SFI1: variants seen among roughly 807,000 people sequenced by gnomAD.
The protein encoded by SFI1 is SFI1 centrin binding protein, also known as protein SFI1 homolog.
Under a neutral mutation model 207.5 loss-of-function variants are expected in SFI1, and 195 were observed. That is an observed-to-expected ratio of 0.94 (90% CI 0.84 to 1.06). SFI1 has a LOEUF of 1.06. Ranked by LOEUF, SFI1 falls within the 50% of genes least tolerant of loss-of-function variation. The pLI, the probability that SFI1 is intolerant of heterozygous loss-of-function variation, is 0.00. For missense variants in SFI1, 1,634 were observed against 1,588.0 expected (o/e 1.03, Z -0.49); for synonymous variants, 630 against 598.9 (o/e 1.05, Z -0.76).
At chr22:31,601,100 G>A (rs975317023) in intron 15 of SFI1, among the ~76,000 whole-genome samples, 5 of 150,382 alleles carry the variant, frequency 3.3e-5, no homozygotes, top group Non-Finnish European at 7.4e-5. Context: ...ACAAAACAGT[G>A]GTTCCCAAAC....
In SFI1 at chr22:31,611,723, G is replaced by C. The variant is rs775919077; in HGVS notation, c.2416-43G>C. 28 of 1,591,608 alleles carry C rather than the reference G, an allele frequency of 1.8e-5. No homozygotes were observed. In the African/African-American group the frequency reaches 2.8e-4, roughly 16 times the overall value. On this transcript the variant is annotated intron_variant, in intron 23 of 32. Transcript: ENST00000400288. ...TCAGGACCCACCCCAGGCTGTCTAG[G>C]CTGGGTCAGGACGCCACTCTCTGTG... is the stretch of plus-strand genomic sequence containing the variant.
intron 10 of SFI1, among the ~76,000 whole-genome samples, chr22:31,575,802 T>C (rs1303460905): frequency 1.3e-5 from 2 of 152,204 alleles, no homozygotes; most frequent in African/African-American, 2.4e-5. Context: ...TTCTTGGTGA[T>C]ACCATCACCG....
At chr22:31,533,066 CA>C (rs2058672240) in intron 4 of SFI1, among the ~76,000 whole-genome samples, 1 of 152,168 alleles carries the variant, frequency 6.6e-6, no homozygotes, top group Non-Finnish European at 1.5e-5. Flanking sequence ...GGCCCTCAGG[CA>C]TCAAAAGTCC....
intron 27 of SFI1, 77 bp from the exon 28 acceptor site, chr22:31,614,712 G>A: frequency 6.7e-7 from 1 of 1,494,404 alleles, no homozygotes; most frequent in Non-Finnish European, 9.3e-7. Flanking sequence ...CTATAAAATT[G>A]GAGATCCCAC....
chr22:31,569,919 G>T (rs1399456392), intron 8 of SFI1, among the ~76,000 whole-genome samples: 2 of 147,884 alleles, frequency 1.4e-5, no homozygotes, highest in African/African-American at 5.0e-5. Context: ...CTGCCCTCTA[G>T]CCTGGGCAAT....
At chr22:31,567,569 G>T in intron 8 of SFI1, among the ~76,000 whole-genome samples, 1 of 128,126 alleles carries the variant, frequency 7.8e-6, no homozygotes, top group Admixed American at 7.4e-5. Flanking sequence ...TGTTTGTGGA[G>T]GGGGGGGGTG....
chr22:31,541,887 G>T (rs1040762771), intron 4 of SFI1, among the ~76,000 whole-genome samples: 3 of 151,894 alleles, frequency 2.0e-5, no homozygotes, highest in African/African-American at 7.3e-5. Context: ...CGGATCACGA[G>T]GTCAGGAGAT....
chr22:31,546,723 T>A, intron 4 of SFI1, 138 bp from the exon 5 acceptor site: 15 of 298,010 alleles, frequency 5.0e-5, no homozygotes, highest in East Asian at 2.4e-4. Flanking sequence ...CGCCTCAGCC[T>A]CCCAAAGTGC....
In SFI1 at chr22:31,616,706, A is replaced by T. The variant is rs774025827; in HGVS notation, c.3301-39A>T. The T allele has an allele frequency of 1.5e-5, 22 of 1,503,722 alleles. No homozygotes were observed. The South Asian group carries it at 3.0e-4, about 21-fold the overall frequency. The allele number at this position is 1,503,722 out of a possible 1,614,324, so 93.1% of individuals were successfully genotyped here. ...GTGTCCCCCTCCCTGGCTTCCTCCTAGCTTCCTTGCTCAGCATCTACCCTT... is the reference window on the plus strand; with the variant it reads ...GTGTCCCCCTCCCTGGCTTCCTCCTTGCTTCCTTGCTCAGCATCTACCCTT... On this transcript the variant is annotated intron_variant, in intron 29 of 32. Transcript: ENST00000400288.
rs1001237425 is a variant in SFI1 at position 31,508,469 on chromosome 22, TGAG to T, written c.92+95_92+97del. The T allele has an allele frequency of 5.0e-5, 46 of 921,964 alleles. No homozygotes were observed. The African/African-American group carries it at 7.4e-4, about 15-fold the overall frequency. 57.1% of individuals were successfully genotyped at this position (921,964 alleles called of 1,614,324 possible). ...GTATGAAAAAATTATAAATTATGAG[TGAG>T]GTAGTAACTGTGGGTAAGTTTTTTT... On this transcript the variant is annotated intron_variant, in intron 2 of 32. Transcript: ENST00000400288.
At chr22:31,526,262 C>T (rs2057898379) in intron 2 of SFI1, among the ~76,000 whole-genome samples, 1 of 152,146 alleles carries the variant, frequency 6.6e-6, no homozygotes, top group Admixed American at 6.6e-5. Flanking sequence ...GTTTAATTGA[C>T]TCATAGTTCT....
At chr22:31,614,463 G>A in intron 27 of SFI1, 2 of 515,138 alleles carry the variant, frequency 3.9e-6, no homozygotes, top group Non-Finnish European at 7.4e-6. Flanking sequence ...GCTCCTCACT[G>A]TTTGACTGAC....
At chr22:31,546,508 T>C (rs569883357) in intron 4 of SFI1, among the ~76,000 whole-genome samples, 1 of 152,164 alleles carries the variant, frequency 6.6e-6, no homozygotes, top group Admixed American at 6.5e-5. Flanking sequence ...TTTTTGCATT[T>C]TTAGTAGAGA....
intron 11 of SFI1, among the ~76,000 whole-genome samples, chr22:31,578,668 C>T (rs374132046): frequency 2.6e-5 from 4 of 152,266 alleles, no homozygotes; most frequent in South Asian, 4.1e-4. Flanking sequence ...TGTAAAGGAA[C>T]CTCAGAGATT....
At chr22:31,564,812 GA>G (rs1013301216) in intron 8 of SFI1, among the ~76,000 whole-genome samples, 2 of 104,778 alleles carry the variant, frequency 1.9e-5, no homozygotes, top group Non-Finnish European at 3.8e-5. Flanking sequence ...GCCTGGCCCA[GA>G]ATTTTTTTTT....
chr22:31,508,379 G>A lies in SFI1; in HGVS notation c.92+3G>A. On this transcript the variant is annotated splice_donor_region_variant and intron_variant, in intron 2 of 32. Transcript: ENST00000400288. ...ATGGAGAAGAAGGTTGATTCCAGGT[G>A]AGTGATGGGACTTGAGAAAAAAATA... 2 of 1,599,790 alleles carry A rather than the reference G, an allele frequency of 1.3e-6. No individual in the cohort carries two copies. Among genetic ancestry groups the A allele is most frequent in the Middle Eastern group, 3.3e-4 (2 of 5,998 alleles).
At chr22:31,566,000 CT>C (rs555423671) in intron 8 of SFI1, among the ~76,000 whole-genome samples, 150 of 151,514 alleles carry the variant, frequency 9.9e-4, no homozygotes, top group African/African-American at 3.6e-3. Context: ...GATCTATTAA[CT>C]GTGTATATTA....
Position 31,557,005 on chromosome 22 carries a change from C to A in SFI1, c.608C>A (p.Thr203Asn), listed in dbSNP as rs2061236912. The change falls in exon 7 of 33, where the codon ACC (threonine) becomes AAC (asparagine). Residue 203 changes from threonine (T) to asparagine (N), a missense_variant. Physicochemically the swap from Thr to Asn is moderately conservative, Grantham distance 65 (BLOSUM62 0). Transcript: ENST00000400288. ...SWLIYVVVRR[T>N]KLQMQTTALE... ...TTGATCTACGTGGTTGTTCGTAGGACCAAACTTCAGATGCAGACTACAGCT... is the reference window on the plus strand; with the variant it reads ...TTGATCTACGTGGTTGTTCGTAGGAACAAACTTCAGATGCAGACTACAGCT... The A allele has an allele frequency of 6.2e-7, 1 of 1,612,386 alleles. No homozygotes were observed. The highest frequency in any genetic ancestry group is 1.7e-5 in the Admixed American group (1 of 59,778).
intron 14 of SFI1, among the ~76,000 whole-genome samples, chr22:31,586,874 G>A (rs777308875): frequency 6.6e-6 from 1 of 152,152 alleles, no homozygotes; most frequent in African/African-American, 2.4e-5. Flanking sequence ...GGTATAGCGG[G>A]TCTGAAAAAT....
Sources: allele counts gnomAD v4.1 joint callset (sites outside exome capture counted in the v4.1 genomes callset), GRCh38; gene constraint gnomAD v4.1.1; transcripts MANE v1.5; gene names NCBI Gene and HGNC (gene_info 2026-07-23, HGNC 2026-07-21).